Variants in PBOV1 observed in about 807,000 individuals in gnomAD.
PBOV1 encodes prostate and breast cancer overexpressed 1, also known as prostate and breast cancer overexpressed gene 1 protein.
For synonymous variants in PBOV1, 46 were observed against 55.9 expected (o/e 0.82, Z 0.79); for missense variants, 147 against 151.4 (o/e 0.97, Z 0.15).
At position 138,216,070 on chromosome 6, in the gene PBOV1, C is replaced by T. The variant is rs1777846468; in HGVS notation, c.*1918G>A. The T allele has an allele frequency of 6.6e-6, 1 of 151,730 alleles. No individual in the cohort carries two copies. Among genetic ancestry groups the T allele is most frequent in the African/African-American group, 2.4e-5 (1 of 41,280 alleles). 9.4% of individuals were successfully genotyped at this position (151,730 alleles called of 1,614,324 possible). A position where few individuals can be genotyped will look rare whatever the true frequency, so the allele number is the denominator to read the frequency against. ...CTCAGCTCACCGCAACCTCCACCTT[C>T]CGGGTTCAAGCAATTCTCCGCCTCA... On this transcript the variant is annotated 3_prime_UTR_variant, in exon 1 of 1. Coordinates refer to ENST00000527246, the MANE Select transcript of PBOV1 (RefSeq NM_021635.3).
In PBOV1 at chr6:138,217,733, A is replaced by T; in HGVS notation, c.*255T>A. On this transcript the variant is annotated 3_prime_UTR_variant, in exon 1 of 1. Coordinates refer to ENST00000527246, the MANE Select transcript of PBOV1 (RefSeq NM_021635.3). ...GACAGAAACACATGTGGTAGTTTTT[A>T]ATGGCCCACTAGGATAAATAACAAA... The T allele has an allele frequency of 2.3e-6, 1 of 425,832 alleles. No individual in the cohort carries two copies. Among genetic ancestry groups the T allele is most frequent in the Non-Finnish European group, 3.9e-6 (1 of 256,940 alleles). The allele number at this position is 425,832 out of a possible 1,614,324, so 26.4% of individuals were successfully genotyped here. A position where few individuals can be genotyped will look rare whatever the true frequency, so the allele number is the denominator to read the frequency against.
In PBOV1 at chr6:138,217,869, A is replaced by C. The variant is rs779066318; in HGVS notation, c.*119T>G. Reference sequence around the variant, plus strand: ...CCTACATCATCAAATTCTTTTCATAAGTAAATTGAAGTTGGAATGGTTCAG... The same window carrying C: ...CCTACATCATCAAATTCTTTTCATACGTAAATTGAAGTTGGAATGGTTCAG... On this transcript the variant is annotated 3_prime_UTR_variant, in exon 1 of 1. Coordinates refer to ENST00000527246, the MANE Select transcript of PBOV1 (RefSeq NM_021635.3). The C allele has an allele frequency of 3.4e-5, 46 of 1,350,916 alleles. No individual in the cohort carries two copies. The highest frequency in any genetic ancestry group is 4.6e-5 in the Non-Finnish European group (46 of 1,009,518). 83.7% of individuals were successfully genotyped at this position (1,350,916 alleles called of 1,614,324 possible).
chr6:138,216,384 G>T lies in PBOV1; in HGVS notation c.*1604C>A, dbSNP rs1168167973. 6.6e-6 allele frequency: 1 copy of T among 152,248 alleles called. No homozygotes were observed. The highest frequency in any genetic ancestry group is 2.4e-5 in the African/African-American group (1 of 41,456). 9.4% of individuals were successfully genotyped at this position (152,248 alleles called of 1,614,324 possible). A position where few individuals can be genotyped will look rare whatever the true frequency, so the allele number is the denominator to read the frequency against. On this transcript the variant is annotated 3_prime_UTR_variant, in exon 1 of 1. Transcript: ENST00000527246. ...ATGGCTGGTAGTCCTAAGCTTCAGG[G>T]TGTCCAATTAGAGTTCTGGTATTAC... is the stretch of plus-strand genomic sequence containing the variant.
At position 138,218,176 on chromosome 6, in the gene PBOV1, C is replaced by G; in HGVS notation, c.220G>C (p.Glu74Gln). ...KATEFIDYSIEQSHHAILTPL... is the reference protein window; with the variant it reads ...KATEFIDYSIQQSHHAILTPL... ...GTGAGAATTGCATGGTGTGACTGTTCTATGGAATAATCAATGAACTCTGTT... is the reference window on the plus strand; with the variant it reads ...GTGAGAATTGCATGGTGTGACTGTTGTATGGAATAATCAATGAACTCTGTT... The change falls in exon 1 of 1, where the codon GAA becomes CAA. Residue 74 changes from glutamate to glutamine, a missense_variant. Transcript: ENST00000527246. 2 of 1,613,906 alleles carry G rather than the reference C, an allele frequency of 1.2e-6. No homozygotes were observed. Among genetic ancestry groups the G allele is most frequent in the Non-Finnish European group, 1.7e-6 (2 of 1,179,852 alleles).
In PBOV1 at chr6:138,217,974, G is replaced by C. The variant is rs372375710; in HGVS notation, c.*14C>G. The C allele has an allele frequency of 6.3e-7, 1 of 1,583,122 alleles. No individual in the cohort carries two copies. Among genetic ancestry groups the C allele is most frequent in the Admixed American group, 1.8e-5 (1 of 55,962 alleles). On this transcript the variant is annotated 3_prime_UTR_variant, in exon 1 of 1. Coordinates refer to ENST00000527246, the MANE Select transcript of PBOV1 (RefSeq NM_021635.3). ...TTTATTTTTCTGGAAAGGCTTTGCA[G>C]CAGGGCTGAGAGTTTATATGATCTG...
rs1438567408 is a variant in PBOV1 at position 138,216,956 on chromosome 6, A to T, written c.*1032T>A. ...GGTTGAGTGATGAGAATCTTTTTCT[A>T]CTTTGCAAACAGACTAATATAATTC... On this transcript the variant is annotated 3_prime_UTR_variant, in exon 1 of 1. Transcript: ENST00000527246. 6.6e-6 allele frequency: 1 copy of T among 152,192 alleles called. No homozygotes were observed. The highest frequency in any genetic ancestry group is 6.5e-5 in the Admixed American group (1 of 15,282). The allele number at this position is 152,192 out of a possible 1,614,324, so 9.4% of individuals were successfully genotyped here.
At position 138,218,476 on chromosome 6, in the gene PBOV1, C is replaced by T. The variant is rs139990493; in HGVS notation, c.-81G>A. ...ATTATTATACATCAATTAGCCACCTCGATATATTTAAGGTCCTAACCATCA... is the reference window on the plus strand; with the variant it reads ...ATTATTATACATCAATTAGCCACCTTGATATATTTAAGGTCCTAACCATCA... On this transcript the variant is annotated 5_prime_UTR_variant, in exon 1 of 1. Transcript: ENST00000527246. 39 of 1,455,108 alleles carry T rather than the reference C, an allele frequency of 2.7e-5. No homozygotes were observed. Among genetic ancestry groups the T allele is most frequent in the Middle Eastern group, 4.8e-4 (2 of 4,134 alleles). The allele number at this position is 1,455,108 out of a possible 1,614,324, so 90.1% of individuals were successfully genotyped here.
At position 138,216,938 on chromosome 6, in the gene PBOV1, T is replaced by G. The variant is rs1189190430; in HGVS notation, c.*1050A>C. On this transcript the variant is annotated 3_prime_UTR_variant, in exon 1 of 1. Transcript: ENST00000527246. ...CCCTCTTCCTGCTCATAAGGTTGAG[T>G]GATGAGAATCTTTTTCTACTTTGCA... The G allele has an allele frequency of 6.6e-6, 1 of 152,206 alleles. No individual in the cohort carries two copies. Among genetic ancestry groups the G allele is most frequent in the Non-Finnish European group, 1.5e-5 (1 of 68,034 alleles). 9.4% of individuals were successfully genotyped at this position (152,206 alleles called of 1,614,324 possible). A position where few individuals can be genotyped will look rare whatever the true frequency, so the allele number is the denominator to read the frequency against.
Position 138,217,823 on chromosome 6 carries a change from AT to A in PBOV1, c.*164del. On this transcript the variant is annotated 3_prime_UTR_variant, in exon 1 of 1. Transcript: ENST00000527246. ...TTGAGAAAGATCAACATGGGTTTGT[AT>A]TTTAGAATTGAAATAACCTCCTACA... is the stretch of plus-strand genomic sequence containing the variant. 1 of 983,468 alleles carries A rather than the reference AT, an allele frequency of 1.0e-6. No homozygotes were observed. The highest frequency in any genetic ancestry group is 1.4e-6 in the Non-Finnish European group (1 of 707,362). The allele number at this position is 983,468 out of a possible 1,614,324, so 60.9% of individuals were successfully genotyped here. A position where few individuals can be genotyped will look rare whatever the true frequency, so the allele number is the denominator to read the frequency against.
In PBOV1 at chr6:138,217,303, A is replaced by G. The variant is rs1414327326; in HGVS notation, c.*685T>C. 2.6e-5 allele frequency: 4 copies of G among 152,244 alleles called. No homozygotes were observed. Among genetic ancestry groups the G allele is most frequent in the African/African-American group, 9.6e-5 (4 of 41,470 alleles). The allele number at this position is 152,244 out of a possible 1,614,324, so 9.4% of individuals were successfully genotyped here. ...TACTCTGGATGTTCTATAGATCCAA[A>G]CAGAATGGGAAAGTTCTCTGATTTT... On this transcript the variant is annotated 3_prime_UTR_variant, in exon 1 of 1. Coordinates refer to ENST00000527246, the MANE Select transcript of PBOV1 (RefSeq NM_021635.3).
rs1400798746 is a variant in PBOV1, at chr6:138,216,462, C to T, written c.*1526G>A. 6.6e-6 allele frequency: 1 copy of T among 152,022 alleles called. No individual in the cohort carries two copies. Among genetic ancestry groups the T allele is most frequent in the African/African-American group, 2.4e-5 (1 of 41,372 alleles). 9.4% of individuals were successfully genotyped at this position (152,022 alleles called of 1,614,324 possible). A position where few individuals can be genotyped will look rare whatever the true frequency, so the allele number is the denominator to read the frequency against. Reference sequence around the variant, plus strand: ...TATGTATCAGTACTGTCGTCAGTGCCTTGGTCTGGGAGCAAGAAACACGAC... The same window carrying T: ...TATGTATCAGTACTGTCGTCAGTGCTTTGGTCTGGGAGCAAGAAACACGAC... On this transcript the variant is annotated 3_prime_UTR_variant, in exon 1 of 1. Transcript: ENST00000527246.
rs1326432631 is a variant in PBOV1, at chr6:138,215,997, G to C, written c.*1991C>G. The C allele has an allele frequency of 1.3e-5, 2 of 150,916 alleles. No homozygotes were observed. Among genetic ancestry groups the C allele is most frequent in the Admixed American group, 1.3e-4 (2 of 15,156 alleles). The allele number at this position is 150,916 out of a possible 1,614,324, so 9.3% of individuals were successfully genotyped here. ...TTGTTGTTGTTTTTTTTTTTGGGTG[G>C]GGGGGAGTTTTACTCCTGTTGCCCA... On this transcript the variant is annotated 3_prime_UTR_variant, in exon 1 of 1. Transcript: ENST00000527246.
rs559691424 is a variant in PBOV1 at position 138,218,263 on chromosome 6, G to C, written c.133C>G (p.Leu45Val). Residue 45 changes from leucine to valine, a missense_variant, in exon 1 of 1, where the codon CTC becomes GTC. Leu to Val is a conservative substitution (Grantham distance 32, BLOSUM62 1). Transcript: ENST00000527246. ...AATACCTTGTAGCAGAATGGTAAGA[G>C]CACAGTTTCTGGAGCTAGAATGCCT... ...LPGILAPETV[L>V]LPFCYKVFRK... is the part of the protein sequence containing the mutation. 6 of 1,609,650 alleles carry C rather than the reference G, an allele frequency of 3.7e-6. No homozygotes were observed. The African/African-American group carries it at 8.0e-5, about 22-fold the overall frequency.
chr6:138,217,413 C>A lies in PBOV1; in HGVS notation c.*575G>T, dbSNP rs2114511713. The A allele has an allele frequency of 6.6e-6, 1 of 152,386 alleles. No individual in the cohort carries two copies. The highest frequency in any genetic ancestry group is 1.5e-5 in the Non-Finnish European group (1 of 68,096). 9.4% of individuals were successfully genotyped at this position (152,386 alleles called of 1,614,324 possible). On this transcript the variant is annotated 3_prime_UTR_variant, in exon 1 of 1. Transcript: ENST00000527246. ...ACAGAAGATCCCATAGTGAAGAAAACAAAACCAAAGAAAAACACAATCTGT... is the reference window on the plus strand; with the variant it reads ...ACAGAAGATCCCATAGTGAAGAAAAAAAAACCAAAGAAAAACACAATCTGT...
Position 138,218,292 on chromosome 6 carries a change from A to C in PBOV1, c.104T>G (p.Leu35Arg), listed in dbSNP as rs1251480426. ...AGTTTCTGGAGCTAGAATGCCTGGT[A>C]GCCTTGGGAAGTTACTTAATCTGTG... ...LRHRLSNFPR[L>R]PGILAPETVL... Residue 35 changes from leucine to arginine, a missense_variant, in exon 1 of 1, where the codon CTA becomes CGA. Coordinates refer to ENST00000527246, the MANE Select transcript of PBOV1 (RefSeq NM_021635.3). The C allele has an allele frequency of 1.3e-6, 2 of 1,589,570 alleles. No individual in the cohort carries two copies. The highest frequency in any genetic ancestry group is 1.7e-6 in the Non-Finnish European group (2 of 1,166,972).
At position 138,216,680 on chromosome 6, in the gene PBOV1, A is replaced by G. The variant is rs765185411; in HGVS notation, c.*1308T>C. 1.3e-5 allele frequency: 2 copies of G among 152,242 alleles called. No homozygotes were observed. Among genetic ancestry groups the G allele is most frequent in the African/African-American group, 2.4e-5 (1 of 41,466 alleles). 9.4% of individuals were successfully genotyped at this position (152,242 alleles called of 1,614,324 possible). A position where few individuals can be genotyped will look rare whatever the true frequency, so the allele number is the denominator to read the frequency against. The stretch of plus-strand genomic sequence containing the variant: ...AAATGGCTAATTTGTCTTGCTGCTT[A>G]TAACAGGGAGAAATCTCTTCTTAGC... On this transcript the variant is annotated 3_prime_UTR_variant, in exon 1 of 1. Coordinates refer to ENST00000527246, the MANE Select transcript of PBOV1 (RefSeq NM_021635.3).
In PBOV1 at chr6:138,218,163, T is replaced by A. The variant is rs377205904; in HGVS notation, c.233A>T (p.His78Leu). The A allele has an allele frequency of 6.8e-6, 11 of 1,613,978 alleles. No homozygotes were observed. The South Asian group carries it at 1.1e-4, about 16-fold the overall frequency. Residue 78 changes from histidine to leucine, a missense_variant, in exon 1 of 1, where the codon CAT becomes CTT. Physicochemically the swap from His to Leu is moderately conservative, Grantham distance 99. Coordinates refer to ENST00000527246, the MANE Select transcript of PBOV1 (RefSeq NM_021635.3). ...FIDYSIEQSH[H>L]AILTPLQTHL... The stretch of plus-strand genomic sequence containing the variant: ...TGTCTGCAAGGGTGTGAGAATTGCA[T>A]GGTGTGACTGTTCTATGGAATAATC...
In PBOV1 at chr6:138,218,435, A is replaced by T. The variant is rs1274153288; in HGVS notation, c.-40T>A. The T allele has an allele frequency of 6.7e-7, 1 of 1,484,776 alleles. No individual in the cohort carries two copies. The highest frequency in any genetic ancestry group is 2.5e-5 in the East Asian group (1 of 40,330). The allele number at this position is 1,484,776 out of a possible 1,614,324, so 92.0% of individuals were successfully genotyped here. On this transcript the variant is annotated 5_prime_UTR_variant, in exon 1 of 1. Transcript: ENST00000527246. The stretch of plus-strand genomic sequence containing the variant: ...ATTGAATTGTAGCTCTGTAGCATAG[A>T]AGAATAATTTTGTAAATTATTATAC...
rs1562357432 is a variant in PBOV1 at position 138,218,119 on chromosome 6, A to C, written c.277T>G (p.Ser93Ala). The C allele has an allele frequency of 1.9e-6, 3 of 1,613,962 alleles. No homozygotes were observed. The highest frequency in any genetic ancestry group is 2.5e-6 in the Non-Finnish European group (3 of 1,179,848). Residue 93 changes from serine to alanine, a missense_variant, in exon 1 of 1, where the codon TCC becomes GCC. Physicochemically the swap from Ser to Ala is moderately conservative, Grantham distance 99. Coordinates refer to ENST00000527246, the MANE Select transcript of PBOV1 (RefSeq NM_021635.3). ...GATAATGAGGAACATTTCATTGAGG[A>C]ACCTTTCATGGTCAAGTGTGTCTGC... ...PLQTHLTMKGSSMKCSSLSSE... is the reference protein window; with the variant it reads ...PLQTHLTMKGASMKCSSLSSE...
Sources: gnomAD v4.1 joint callset for allele counts on GRCh38, gnomAD v4.1.1 for gene constraint, MANE v1.5 for transcripts, NCBI Gene and HGNC (gene_info 2026-07-23, HGNC 2026-07-21) for gene names.